PPM1E: variants seen among roughly 807,000 people sequenced by gnomAD.
The protein encoded by PPM1E is protein phosphatase, Mg2+/Mn2+ dependent 1E, also known as protein phosphatase 1E.
PPM1E carries 20 observed loss-of-function variants against 65.9 expected under a neutral mutation model. The observed-to-expected ratio is 0.30, with a 90% CI of 0.21 to 0.44. The LOEUF (loss-of-function observed/expected upper bound fraction) is 0.44, where lower values mean the gene tolerates loss of function less well. PPM1E is among the 20% of genes least tolerant of loss of function. PPM1E has a pLI of 1.00. For synonymous variants in PPM1E, 352 were observed against 374.9 expected, an observed-to-expected ratio of 0.94 and a Z score of 0.70; for missense variants, 713 against 953.1, an observed-to-expected ratio of 0.75 and a Z score of 3.32.
intron 1 of PPM1E, among the ~76,000 whole-genome samples, chr17:58,805,973 ACAAAAAAAAAACAAAACAAAACAAAAC>A (rs1567838843): frequency 2.5e-4 from 29 of 117,892 alleles, no homozygotes; most frequent in African/African-American, 3.1e-4. Flanking sequence ...AAAAAAAAAA[ACAAAAAAAAAACAAAACAAAACAAAAC>A]AAAAAAAAAA....
chr17:58,795,979 T>C (rs1168018734), intron 1 of PPM1E, among the ~76,000 whole-genome samples: 1 of 152,208 alleles, frequency 6.6e-6, no homozygotes, highest in East Asian at 1.9e-4. Flanking sequence ...GTTCTGTAGT[T>C]TGTCTGTTTA....
rs570033775 is a variant in PPM1E at position 58,981,732 on chromosome 17, C to A, written c.*701C>A. 2 of 138,762 alleles carry A rather than the reference C, an allele frequency of 1.4e-5. No individual in the cohort carries two copies. The highest frequency in any genetic ancestry group is 4.3e-4 in the East Asian group (2 of 4,660). The allele number at this position is 138,762 out of a possible 1,614,324, so 8.6% of individuals were successfully genotyped here. A position where few individuals can be genotyped will look rare whatever the true frequency, so the allele number is the denominator to read the frequency against. ...TAGGGCTGTAGTTATTTGGGAGTTT[C>A]ATAACCTGTTATGGTGCTTTTGGTG... On this transcript the variant is annotated 3_prime_UTR_variant, in exon 7 of 7. Transcript: ENST00000308249.
Position 58,980,226 on chromosome 17 carries a change from T to G in PPM1E, c.1463T>G (p.Leu488Arg). 1 of 1,614,162 alleles carries G rather than the reference T, an allele frequency of 6.2e-7. No homozygotes were observed. The highest frequency in any genetic ancestry group is 8.5e-7 in the Non-Finnish European group (1 of 1,180,028). Residue 488 changes from leucine (L) to arginine (R), a missense_variant, in exon 7 of 7, where the codon CTG becomes CGG. By Grantham distance (102) the Leu-to-Arg change is moderately radical. This residue lies in a region of PPM1E where 286 missense variants were observed against 313.8 expected (regional missense o/e 0.91). Transcript: ENST00000308249. The surrounding 1 kb of genome is among the most constrained non-coding windows in gnomAD (Gnocchi z 4.7). ...AACATCACGGTTATTGTGGTATTCC[T>G]GAGGGACATGAACAAAGCTGTAAAT... ...SDNITVIVVF[L>R]RDMNKAVNVS...
At chr17:58,874,635 G>A (rs2051108942) in intron 1 of PPM1E, among the ~76,000 whole-genome samples, 1 of 152,110 alleles carries the variant, frequency 6.6e-6, no homozygotes, top group Admixed American at 6.6e-5. Context: ...ATAATAATAT[G>A]TACTTATGGG....
intron 1 of PPM1E, among the ~76,000 whole-genome samples, chr17:58,827,402 G>A (rs1424845381): frequency 6.6e-6 from 1 of 151,868 alleles, no homozygotes; most frequent in African/African-American, 2.4e-5. Flanking sequence ...AAAGTGCTGG[G>A]ATTACAGGCA....
chr17:58,798,525 ATTTTTTTT>A (rs78922975), intron 1 of PPM1E, among the ~76,000 whole-genome samples: 1 of 89,834 alleles, frequency 1.1e-5, no homozygotes, highest in African/African-American at 4.1e-5. Flanking sequence ...ACACGGCCCT[ATTTTTTTT>A]TTTTTTTTTT....
Position 58,825,230 on chromosome 17 carries a change from A to T in PPM1E, c.464+68769A>T, listed in dbSNP as rs569998973. Among the ~76,000 whole-genome samples, 1,194 of 123,856 alleles carry T rather than the reference A, an allele frequency of 9.6e-3. 20 individuals are homozygous for T. The highest frequency in any genetic ancestry group is 0.032 in the African/African-American group (1,113 of 34,528). 81.3% of individuals were successfully genotyped at this position (123,856 alleles called of 152,430 possible). A position where few individuals can be genotyped will look rare whatever the true frequency, so the allele number is the denominator to read the frequency against. On this transcript the variant is annotated intron_variant, in intron 1 of 6. Transcript: ENST00000308249. ...TTGATTCTCACACACACACTCACAC[A>T]CACACACACACACACACACACACAC...
Position 58,816,024 on chromosome 17 carries a change from TC to T in PPM1E, c.464+59564del, listed in dbSNP as rs571356542. On this transcript the variant is annotated intron_variant, in intron 1 of 6. Coordinates refer to ENST00000308249, the MANE Select transcript of PPM1E (RefSeq NM_014906.5). ...ATGCAGATAGAATGTGTATAATATT[TC>T]TTTTTTTTTGTTTTTTTGGAGTCGG... Among the ~76,000 whole-genome samples, 32 of 151,774 alleles carry T rather than the reference TC, an allele frequency of 2.1e-4. 1 individual carries two copies. The highest frequency in any genetic ancestry group is 6.7e-4 in the African/African-American group (28 of 41,536).
chr17:58,947,567 CT>C (rs1351129626), intron 1 of PPM1E, among the ~76,000 whole-genome samples: 1 of 147,532 alleles, frequency 6.8e-6, no homozygotes, highest in African/African-American at 2.5e-5. Context: ...TATTTGACCT[CT>C]CAGCAATTGA....
At chr17:58,958,212 A>T (rs1048140006) in intron 2 of PPM1E, among the ~76,000 whole-genome samples, 8 of 146,740 alleles carry the variant, frequency 5.5e-5, no homozygotes, top group Admixed American at 6.8e-5. Flanking sequence ...ATTTTTATTT[A>T]TTTTTTTTTT....
chr17:58,784,222 C>T (rs970571349), intron 1 of PPM1E, among the ~76,000 whole-genome samples: 1 of 151,900 alleles, frequency 6.6e-6, no homozygotes, highest in Non-Finnish European at 1.5e-5. Flanking sequence ...CGGGTTTCAC[C>T]ATGTTGGCCA....
At chr17:58,925,952 A>T (rs1454714244) in intron 1 of PPM1E, among the ~76,000 whole-genome samples, 2 of 152,178 alleles carry the variant, frequency 1.3e-5, no homozygotes, top group Non-Finnish European at 2.9e-5. Flanking sequence ...TCTCATCAAC[A>T]GTGTATGGAT....
intron 1 of PPM1E, among the ~76,000 whole-genome samples, chr17:58,933,740 G>A (rs2143577129): frequency 6.6e-6 from 1 of 150,976 alleles, no homozygotes; most frequent in Non-Finnish European, 1.5e-5. Flanking sequence ...AGGTTTCAGT[G>A]AGCCGAGATC....
At chr17:58,904,359 G>A (rs1274973465) in intron 1 of PPM1E, among the ~76,000 whole-genome samples, 2 of 152,078 alleles carry the variant, frequency 1.3e-5, no homozygotes, top group Non-Finnish European at 1.5e-5. Context: ...CAGAGGCTGG[G>A]GAAATGATTT....
In PPM1E at chr17:58,970,152, G is replaced by C. The variant is rs2143705812; in HGVS notation, c.972+425G>C. Among the ~76,000 whole-genome samples the C allele has an allele frequency of 2.6e-5, 4 of 152,324 alleles. No individual in the cohort carries two copies. In the South Asian group the frequency reaches 8.3e-4, roughly 32 times the overall value. Reference sequence around the variant, plus strand: ...CTTCCATACATTTGGTTCTAAATGGGTAGGCAGTGTTTTGCTGTGTATCTC... The same window carrying C: ...CTTCCATACATTTGGTTCTAAATGGCTAGGCAGTGTTTTGCTGTGTATCTC... On this transcript the variant is annotated intron_variant, in intron 4 of 6. Transcript: ENST00000308249.
At chr17:58,924,334 G>A (rs2051796082) in intron 1 of PPM1E, among the ~76,000 whole-genome samples, 1 of 152,038 alleles carries the variant, frequency 6.6e-6, no homozygotes, top group African/African-American at 2.4e-5. Flanking sequence ...GAAAAATTAG[G>A]TATACCAAAT....
chr17:58,837,446 A>G (rs2050673953), intron 1 of PPM1E, among the ~76,000 whole-genome samples: 1 of 150,292 alleles, frequency 6.7e-6, no homozygotes, highest in Admixed American at 6.6e-5. Context: ...CTTTTAATTT[A>G]TGTTAAGAAA....
chr17:58,877,127 T>C (rs2051137009), intron 1 of PPM1E, among the ~76,000 whole-genome samples: 1 of 152,210 alleles, frequency 6.6e-6, no homozygotes. Flanking sequence ...ATTTCTAAAA[T>C]CTATGGCGTT....
chr17:58,946,831 C>A (rs2052157904), intron 1 of PPM1E, among the ~76,000 whole-genome samples: 1 of 151,882 alleles, frequency 6.6e-6, no homozygotes, highest in African/African-American at 2.4e-5. Flanking sequence ...TTGATGTAGT[C>A]CAATTTAATA....
Sources: gnomAD v4.1 joint callset for allele counts (sites outside exome capture counted in the v4.1 genomes callset) on GRCh38, gnomAD v4.1.1 for gene constraint, gnomAD v4.1.1 regional missense constraint, Gnocchi (gnomAD v3.1) non-coding constraint, MANE v1.5 for transcripts, NCBI Gene and HGNC (gene_info 2026-07-23, HGNC 2026-07-21) for gene names.